Variants in CAMTA1 observed in about 807,000 individuals in gnomAD.
The protein encoded by CAMTA1 is calmodulin binding transcription activator 1.
Under a neutral mutation model 170.9 loss-of-function variants are expected in CAMTA1, and 27 were observed. The observed-to-expected ratio is 0.16, with a 90% CI of 0.12 to 0.22. The LOEUF is 0.22. Among genes scored for constraint, CAMTA1 ranks in the 10% least tolerant of loss-of-function variants. The probability of loss-of-function intolerance (pLI) is 1.00; values close to 1 mark genes in which losing one functional copy is unlikely to be tolerated. For missense variants in CAMTA1, 1,619 were observed against 2,217.2 expected, an observed-to-expected ratio of 0.73 and a Z score of 5.42; for synonymous variants, 833 against 891.5, an observed-to-expected ratio of 0.93 and a Z score of 1.17.
intron 6 of CAMTA1, among the ~76,000 whole-genome samples, chr1:7,628,135 T>C (rs1017749398): frequency 6.6e-6 from 1 of 152,200 alleles, no homozygotes; most frequent in Non-Finnish European, 1.5e-5. Flanking sequence ...AGGCTTTGTG[T>C]CTTCTCCCCT....
At chr1:7,184,395 G>C (rs1652834460) in intron 4 of CAMTA1, among the ~76,000 whole-genome samples, 1 of 152,114 alleles carries the variant, frequency 6.6e-6, no homozygotes, top group South Asian at 2.1e-4. Flanking sequence ...TGTAACAAAG[G>C]ATAAATGCTT....
In CAMTA1 at chr1:7,173,399, T is replaced by A. The variant is rs1650082504; in HGVS notation, c.303-76092T>A. 1.3e-5 allele frequency among the ~76,000 whole-genome samples: 2 copies of A among 152,190 alleles called. No homozygotes were observed. Among genetic ancestry groups the A allele is most frequent in the African/African-American group, 4.8e-5 (2 of 41,434 alleles). ...TGTGGGAACACACAGTTTAATTTTT[T>A]TTTTTAAGACTGATTTTCACTCTAG... is the stretch of plus-strand genomic sequence containing the variant. On this transcript the variant is annotated intron_variant, in intron 4 of 22. Transcript: ENST00000303635. This position sits in a 1 kb window ranked among gnomAD's most constrained non-coding sequence, Gnocchi z 5.4.
At chr1:7,688,800 C>T (rs1237917231) in intron 11 of CAMTA1, among the ~76,000 whole-genome samples, 1 of 152,192 alleles carries the variant, frequency 6.6e-6, no homozygotes, top group Non-Finnish European at 1.5e-5. Flanking sequence ...ATCTGTGACA[C>T]CAGGACATTC....
intron 3 of CAMTA1, among the ~76,000 whole-genome samples, chr1:6,997,775 C>A (rs1281432449): frequency 6.6e-6 from 1 of 150,948 alleles, no homozygotes; most frequent in East Asian, 2.0e-4. Context: ...ATTCTCCTGC[C>A]TTAGCCTCTG....
At chr1:7,723,725 C>T (rs2096664269) in intron 11 of CAMTA1, among the ~76,000 whole-genome samples, 1 of 152,040 alleles carries the variant, frequency 6.6e-6, no homozygotes, top group Admixed American at 6.5e-5. Flanking sequence ...TTCCTAAAAA[C>T]CCAGAACCCA....
intron 3 of CAMTA1, among the ~76,000 whole-genome samples, chr1:7,085,288 G>C (rs1426671451): frequency 6.6e-6 from 1 of 152,214 alleles, no homozygotes; most frequent in Non-Finnish European, 1.5e-5. Context: ...CGTAGGGCCC[G>C]AGCCTCGATG....
chr1:7,159,079 A>G (rs1274954312), intron 4 of CAMTA1, among the ~76,000 whole-genome samples: 2 of 151,818 alleles, frequency 1.3e-5, no homozygotes, highest in African/African-American at 2.4e-5. Context: ...TTTTAATTAT[A>G]TGGCTCTTAA....
At chr1:7,117,061 C>T (rs1248559101) in intron 4 of CAMTA1, among the ~76,000 whole-genome samples, 1 of 151,690 alleles carries the variant, frequency 6.6e-6, no homozygotes, top group Admixed American at 6.6e-5. Flanking sequence ...CTCCACCTCC[C>T]AGGTTCAAGT....
At position 7,720,199 on chromosome 1, in the gene CAMTA1, G is replaced by A. The variant is rs1272554300; in HGVS notation, c.2915-12249G>A. On this transcript the variant is annotated intron_variant, in intron 11 of 22. Transcript: ENST00000303635. ...AGAAAGTGTTCCTTTTGTTTAACCC[G>A]ATCGAAACCTCATGTTTATACAACA... Among the ~76,000 whole-genome samples, 4 of 152,108 alleles carry A rather than the reference G, an allele frequency of 2.6e-5. 1 individual carries two copies. Among genetic ancestry groups the A allele is most frequent in the Admixed American group, 1.3e-4 (2 of 15,262 alleles).
At position 7,695,077 on chromosome 1, in the gene CAMTA1, G is replaced by C. The variant is rs138005651; in HGVS notation, c.2914+17344G>C. Among the ~76,000 whole-genome samples the C allele has an allele frequency of 3.4e-3, 513 of 152,238 alleles. 3 individuals carry two copies. The highest frequency in any genetic ancestry group is 0.012 in the African/African-American group (488 of 41,538). ...TTATGACATCAGAAGGTCTGGTCTG[G>C]GTCACCCAGGAGAGCTAAAGCCAGG... On this transcript the variant is annotated intron_variant, in intron 11 of 22. Coordinates refer to ENST00000303635, the MANE Select transcript of CAMTA1 (RefSeq NM_015215.4).
chr1:7,688,764 AG>A (rs2096279999), intron 11 of CAMTA1, among the ~76,000 whole-genome samples: 1 of 152,300 alleles, frequency 6.6e-6, no homozygotes, highest in East Asian at 1.9e-4. Flanking sequence ...GACCCTTCTG[AG>A]CAGCCCAGCA....
rs540665026 is a variant in CAMTA1 at position 7,338,883 on chromosome 1, G to C, written c.438+89257G>C. Among the ~76,000 whole-genome samples the C allele has an allele frequency of 1.3e-4, 20 of 152,358 alleles. No homozygotes were observed. In the East Asian group the frequency reaches 2.7e-3, roughly 21 times the overall value. On this transcript the variant is annotated intron_variant, in intron 5 of 22. Coordinates refer to ENST00000303635, the MANE Select transcript of CAMTA1 (RefSeq NM_015215.4). Reference sequence around the variant, plus strand: ...CGAAAAGAGGTTTAATTGGCTCACAGTTCCGCAGGCTGTACAGGAAGCATG... The same window carrying C: ...CGAAAAGAGGTTTAATTGGCTCACACTTCCGCAGGCTGTACAGGAAGCATG...
chr1:7,381,357 A>C (rs1307261256), intron 5 of CAMTA1, among the ~76,000 whole-genome samples: 1 of 130,212 alleles, frequency 7.7e-6, no homozygotes, highest in Non-Finnish European at 1.6e-5. Flanking sequence ...TCCTGTGTCC[A>C]TGTGTTCTCA....
At chr1:7,662,969 T>G (rs898391858) in intron 8 of CAMTA1, among the ~76,000 whole-genome samples, 4 of 152,186 alleles carry the variant, frequency 2.6e-5, no homozygotes, top group African/African-American at 4.8e-5. Flanking sequence ...GCTGATCCCC[T>G]CTTGCCAGCA....
chr1:7,498,311 T>G (rs1199660831), intron 6 of CAMTA1, among the ~76,000 whole-genome samples: 1 of 150,290 alleles, frequency 6.7e-6, no homozygotes, highest in African/African-American at 2.5e-5. Context: ...TGAGTGTGGA[T>G]GTGTGTGTAA....
At chr1:7,107,243 G>C (rs1003469163) in intron 4 of CAMTA1, among the ~76,000 whole-genome samples, 1 of 147,424 alleles carries the variant, frequency 6.8e-6, no homozygotes, top group African/African-American at 2.6e-5. Context: ...ACACGCAGGA[G>C]AGCCTGGTGT....
chr1:7,715,796 G>A (rs1352942317), intron 11 of CAMTA1, among the ~76,000 whole-genome samples: 1 of 152,244 alleles, frequency 6.6e-6, no homozygotes, highest in African/African-American at 2.4e-5. Flanking sequence ...GCCGGCATGG[G>A]AGAGCAGTCC....
At chr1:7,718,542 C>G (rs2096627949) in intron 11 of CAMTA1, among the ~76,000 whole-genome samples, 2 of 148,742 alleles carry the variant, frequency 1.3e-5, no homozygotes, top group South Asian at 2.1e-4. Flanking sequence ...ATCTCCAGGT[C>G]TCATTACAGC....
intron 4 of CAMTA1, among the ~76,000 whole-genome samples, chr1:7,171,232 A>G (rs1649533643): frequency 6.6e-6 from 1 of 152,206 alleles, no homozygotes; most frequent in South Asian, 2.1e-4. Context: ...GGTTGGACCC[A>G]CATCTATCAT....
Sources: gnomAD v4.1 joint callset for allele counts (sites outside exome capture counted in the v4.1 genomes callset) on GRCh38, gnomAD v4.1.1 for gene constraint, Gnocchi (gnomAD v3.1) non-coding constraint, MANE v1.5 for transcripts, NCBI Gene and HGNC (gene_info 2026-07-23, HGNC 2026-07-21) for gene names.